AVPI1: variants seen among roughly 807,000 people sequenced by gnomAD.
AVPI1 encodes the protein arginine vasopressin induced 1.
In AVPI1, 9 loss-of-function variants were observed where a neutral mutation model predicts 11.9. The ratio of observed to expected loss-of-function variants is 0.76; its 90% CI spans 0.46 to 1.32. The LOEUF (loss-of-function observed/expected upper bound fraction) is 1.32. Among genes scored for constraint, AVPI1 ranks in the 40% most tolerant of loss-of-function variants. AVPI1 has a pLI of 0.00. For missense variants in AVPI1, 207 were observed against 195.8 expected (o/e 1.06, Z -0.34); for synonymous variants, 68 against 78.1 (o/e 0.87, Z 0.68).
intron 1 of AVPI1, among the ~76,000 whole-genome samples, chr10:97,680,516 G>A (rs1448122125): frequency 6.6e-6 from 1 of 152,148 alleles, no homozygotes; most frequent in Non-Finnish European, 1.5e-5. Context: ...AGGAGTTGTG[G>A]AGCTGGGCTA....
At chr10:97,684,016 G>A (rs998395430) in intron 1 of AVPI1, among the ~76,000 whole-genome samples, 2 of 152,208 alleles carry the variant, frequency 1.3e-5, no homozygotes, top group African/African-American at 4.8e-5. Context: ...GGGGCAATGT[G>A]TGGACAGGTC....
At chr10:97,684,375 C>A (rs2041718738) in intron 1 of AVPI1, among the ~76,000 whole-genome samples, 1 of 152,096 alleles carries the variant, frequency 6.6e-6, no homozygotes, top group Non-Finnish European at 1.5e-5. Context: ...CTTCAGCGAG[C>A]TGCGAGTCAC....
At chr10:97,678,684 T>TAA (rs66489128) in intron 2 of AVPI1, among the ~76,000 whole-genome samples, 36 of 145,154 alleles carry the variant, frequency 2.5e-4, no homozygotes, top group African/African-American at 7.8e-4. Flanking sequence ...TAATTAGGCT[T>TAA]AAAAAAAAAA....
intron 1 of AVPI1, among the ~76,000 whole-genome samples, chr10:97,683,486 G>A (rs1589944591): frequency 6.6e-6 from 1 of 152,322 alleles, no homozygotes; most frequent in South Asian, 2.1e-4. Context: ...CCCCGAGCTG[G>A]CTTCACAGCC....
intron 1 of AVPI1, among the ~76,000 whole-genome samples, chr10:97,681,915 AAAAGAATAC>A (rs1463671820): frequency 6.6e-6 from 1 of 151,584 alleles, no homozygotes; most frequent in Non-Finnish European, 1.5e-5. Context: ...AAAAAAGAAA[AAAAGAATAC>A]AATGATACAA....
chr10:97,678,684 TA>T (rs66489128), intron 2 of AVPI1, among the ~76,000 whole-genome samples: 61,861 of 144,970 alleles, frequency 0.43, 14,874 homozygotes, highest in African/African-American at 0.67. Context: ...TAATTAGGCT[TA>T]AAAAAAAAAA....
chr10:97,678,948 T>TTTTCA (rs1564779887), intron 2 of AVPI1, among the ~76,000 whole-genome samples: 1 of 40,008 alleles, frequency 2.5e-5, no homozygotes, highest in Non-Finnish European at 5.3e-5. Flanking sequence ...TGTGTGTGTG[T>TTTTCA]GTGTGTGTGT....
At chr10:97,679,469 G>T in intron 2 of AVPI1, 150 bp downstream of exon 2, 2 of 966,870 alleles carry the variant, frequency 2.1e-6, no homozygotes, top group Non-Finnish European at 3.0e-6. Flanking sequence ...TGCCAACCAA[G>T]TGGTGACACT....
chr10:97,679,346 T>C (rs1315338330), intron 2 of AVPI1, among the ~76,000 whole-genome samples: 1 of 151,968 alleles, frequency 6.6e-6, no homozygotes, highest in Admixed American at 6.6e-5. Flanking sequence ...GGTTTCACCA[T>C]GTTGGTCAGG....
chr10:97,684,208 T>C (rs2041718021), intron 1 of AVPI1, among the ~76,000 whole-genome samples: 1 of 152,122 alleles, frequency 6.6e-6, no homozygotes, highest in Non-Finnish European at 1.5e-5. Flanking sequence ...CCTAGGCAGG[T>C]CTGGGGTAGT....
chr10:97,685,564 A>G (rs1440896461), intron 1 of AVPI1, among the ~76,000 whole-genome samples: 1 of 152,162 alleles, frequency 6.6e-6, no homozygotes, highest in Non-Finnish European at 1.5e-5. Context: ...CTCTGTAATC[A>G]GGGGCCTAGG....
intron 1 of AVPI1, among the ~76,000 whole-genome samples, chr10:97,681,875 A>G (rs1589944031): frequency 7.0e-6 from 1 of 143,190 alleles, no homozygotes; most frequent in Non-Finnish European, 1.5e-5. Context: ...ACAGAGCGAG[A>G]CTCCGTCTCA....
chr10:97,679,141 C>CTTT (rs559721224), intron 2 of AVPI1, among the ~76,000 whole-genome samples: 7 of 124,144 alleles, frequency 5.6e-5, no homozygotes, highest in South Asian at 2.6e-4. Context: ...TAACAGCAAT[C>CTTT]TTTTTTTTTT....
chr10:97,678,871 C>CG (rs949492548), intron 2 of AVPI1, among the ~76,000 whole-genome samples: 6 of 101,072 alleles, frequency 5.9e-5, no homozygotes, highest in South Asian at 3.3e-4. Context: ...TTTTTTTTGG[C>CG]GGGGGGAGGG....
At chr10:97,680,922 ACT>A (rs1409945746) in intron 1 of AVPI1, among the ~76,000 whole-genome samples, 4 of 152,170 alleles carry the variant, frequency 2.6e-5, no homozygotes, top group Admixed American at 2.6e-4. Context: ...TAGAAGTTAG[ACT>A]CTGTGTCAAT....
chr10:97,684,932 G>A (rs1254078338), intron 1 of AVPI1, among the ~76,000 whole-genome samples: 3 of 152,186 alleles, frequency 2.0e-5, no homozygotes, highest in Non-Finnish European at 4.4e-5. Flanking sequence ...TGTCGAATCA[G>A]AACACTTTTA....
chr10:97,679,973 G>A, intron 1 of AVPI1, 58 bp from the exon 2 acceptor site: 1 of 1,422,484 alleles, frequency 7.0e-7, no homozygotes, highest in Non-Finnish European at 9.3e-7. Context: ...CAGACCTGGG[G>A]GTCCTGGCTA....
At position 97,679,735 on chromosome 10, in the gene AVPI1, G is replaced by A. The variant is rs2041692976; in HGVS notation, c.171C>T (p.Ile57=). Residue 57 remains isoleucine (I), a synonymous_variant, in exon 2 of 3, where the codon ATC becomes ATT. Coordinates refer to ENST00000370626, the MANE Select transcript of AVPI1 (RefSeq NM_021732.3). ...GDQLAEERAQ[I]IWECAGDHRV... ...GGTGGTCCCCTGCACATTCCCAGATGATCTGTGCCCGTTCCTCGGCCAGCT... is the reference window on the plus strand; with the variant it reads ...GGTGGTCCCCTGCACATTCCCAGATAATCTGTGCCCGTTCCTCGGCCAGCT... 4 of 1,614,158 alleles carry A rather than the reference G, an allele frequency of 2.5e-6. No homozygotes were observed. The highest frequency in any genetic ancestry group is 3.4e-6 in the Non-Finnish European group (4 of 1,180,030).
Position 97,687,098 on chromosome 10 carries a change from G to A in AVPI1, c.-343C>T, listed in dbSNP as rs945260643. ...CGGCTCCCACCGCAGCGCCGAGCTG[G>A]GCCGCCGACCTACGTACCTGGTTGC... On this transcript the variant is annotated 5_prime_UTR_variant, in exon 1 of 3. Coordinates refer to ENST00000370626, the MANE Select transcript of AVPI1 (RefSeq NM_021732.3). 2.0e-5 allele frequency: 3 copies of A among 152,406 alleles called. No homozygotes were observed. Among genetic ancestry groups the A allele is most frequent in the African/African-American group, 7.2e-5 (3 of 41,460 alleles). The allele number at this position is 152,406 out of a possible 1,614,324, so 9.4% of individuals were successfully genotyped here. A position where few individuals can be genotyped will look rare whatever the true frequency, so the allele number is the denominator to read the frequency against.
Sources: gnomAD v4.1 joint callset for allele counts (sites outside exome capture counted in the v4.1 genomes callset) on GRCh38, gnomAD v4.1.1 for gene constraint, MANE v1.5 for transcripts, NCBI Gene and HGNC (gene_info 2026-07-23, HGNC 2026-07-21) for gene names.